AKR1C3: variants seen among roughly 807,000 people sequenced by gnomAD.
AKR1C3 encodes aldo-keto reductase family 1 member C3.
A neutral mutation model predicts 43.6 loss-of-function variants in AKR1C3; 48 were observed. The observed-to-expected ratio is 1.10, with a 90% confidence interval of 0.87 to 1.40. The LOEUF (loss-of-function observed/expected upper bound fraction) is 1.40, where lower values mean the gene tolerates loss of function less well. Ranked by LOEUF, AKR1C3 falls within the 40% of genes most tolerant of loss-of-function variation. The probability of loss-of-function intolerance (pLI) is 0.00; values close to 1 mark genes in which losing one functional copy is unlikely to be tolerated. For missense variants in AKR1C3, 482 were observed against 391.2 expected, an observed-to-expected ratio of 1.23 and a Z score of -1.96; for synonymous variants, 162 against 139.6, an observed-to-expected ratio of 1.16 and a Z score of -1.13.
At chr10:5,105,434 G>A (rs74112027) in intron 7 of AKR1C3, 161 bp from the exon 8 acceptor site, 6,366 of 520,024 alleles carry the variant, frequency 0.012, 333 homozygotes, top group African/African-American at 0.11. Context: ...CTTATTTTTC[G>A]TGAGCTATTC....
chr10:5,096,528 A>C lies in AKR1C3; in HGVS notation c.203A>C (p.Lys68Thr). ...EEQVGLAIRS[K>T]IADGSVKRED... ...CAGGTTGGACTGGCCATCCGAAGCAAGATTGCAGATGGCAGTGTGAAGAGA... is the reference window on the plus strand; with the variant it reads ...CAGGTTGGACTGGCCATCCGAAGCACGATTGCAGATGGCAGTGTGAAGAGA... Residue 68 changes from lysine (K) to threonine (T), a missense_variant, in exon 2 of 9, where the codon AAG becomes ACG. By Grantham distance (78) the Lys-to-Thr change is moderately conservative. Coordinates refer to ENST00000380554, the MANE Select transcript of AKR1C3 (RefSeq NM_003739.6). The C allele has an allele frequency of 3.1e-6, 5 of 1,613,860 alleles. No homozygotes were observed. Among genetic ancestry groups the C allele is most frequent in the Non-Finnish European group, 4.2e-6 (5 of 1,179,790 alleles).
At chr10:5,069,313 T>A (rs1838573000) in intron 1 of AKR1C3, among the ~76,000 whole-genome samples, 1 of 152,154 alleles carries the variant, frequency 6.6e-6, no homozygotes, top group African/African-American at 2.4e-5. Flanking sequence ...TTAAGAATAT[T>A]CACAAATAGT....
chr10:5,057,697 G>A (rs1838291448), intron 1 of AKR1C3, among the ~76,000 whole-genome samples: 1 of 152,178 alleles, frequency 6.6e-6, no homozygotes, highest in South Asian at 2.1e-4. Flanking sequence ...CAGTCCCCAT[G>A]ATCTGAGTCA....
intron 1 of AKR1C3, among the ~76,000 whole-genome samples, chr10:5,056,670 C>T (rs1412257835): frequency 6.6e-6 from 1 of 152,308 alleles, no homozygotes; most frequent in East Asian, 1.9e-4. Context: ...CCCTCCAATG[C>T]CCAGACTTCA....
chr10:5,102,258 ATTT>A, intron 6 of AKR1C3, 48 bp downstream of exon 6: 1 of 1,592,178 alleles, frequency 6.3e-7, no homozygotes, highest in East Asian at 2.2e-5. Context: ...TTTGCAGAAA[ATTT>A]TTTAGTCAGA....
intron 1 of AKR1C3, among the ~76,000 whole-genome samples, chr10:5,078,333 C>G (rs1554782044): frequency 6.6e-6 from 1 of 152,218 alleles, no homozygotes; most frequent in Non-Finnish European, 1.5e-5. Context: ...GTCCCCGCTA[C>G]TCGGGAGGCT....
chr10:5,055,299 G>T (rs945688812), intron 1 of AKR1C3, among the ~76,000 whole-genome samples: 1 of 152,182 alleles, frequency 6.6e-6, no homozygotes, highest in East Asian at 1.9e-4. Flanking sequence ...ACTATAATTT[G>T]TTGGCAGTCA....
intron 1 of AKR1C3, among the ~76,000 whole-genome samples, chr10:5,083,443 T>C (rs1838881766): frequency 6.6e-6 from 1 of 152,224 alleles, no homozygotes; most frequent in African/African-American, 2.4e-5. Context: ...TTCCATGGTG[T>C]ATAGGTGCCA....
At chr10:5,084,902 G>A (rs1418823613) in intron 1 of AKR1C3, among the ~76,000 whole-genome samples, 2 of 152,148 alleles carry the variant, frequency 1.3e-5, no homozygotes, top group Non-Finnish European at 2.9e-5. Context: ...GTATAAGAAT[G>A]CTTGTGATTT....
chr10:5,071,438 G>C (rs566399911), intron 1 of AKR1C3, among the ~76,000 whole-genome samples: 1 of 152,170 alleles, frequency 6.6e-6, no homozygotes, highest in African/African-American at 2.4e-5. Flanking sequence ...CCTTAGAGGC[G>C]TGTCAGTACT....
intron 1 of AKR1C3, among the ~76,000 whole-genome samples, chr10:5,089,327 C>T (rs1554783732): frequency 6.6e-6 from 1 of 151,620 alleles, no homozygotes; most frequent in Non-Finnish European, 1.5e-5. Flanking sequence ...ATTATTTCTT[C>T]TACTATGTTT....
intron 1 of AKR1C3, among the ~76,000 whole-genome samples, chr10:5,057,990 T>G (rs1181933865): frequency 6.6e-6 from 1 of 152,168 alleles, no homozygotes; most frequent in Non-Finnish European, 1.5e-5. Context: ...TTGATCTGCT[T>G]TAAATCAGAG....
At chr10:5,068,509 C>CAAA (rs74260861) in intron 1 of AKR1C3, among the ~76,000 whole-genome samples, 69 of 59,454 alleles carry the variant, frequency 1.2e-3, no homozygotes, top group East Asian at 6.0e-3. Flanking sequence ...AACCTTTTAC[C>CAAA]AAAAAAAAAA....
At chr10:5,094,734 G>A (rs1839170224) in intron 1 of AKR1C3, among the ~76,000 whole-genome samples, 1 of 152,042 alleles carries the variant, frequency 6.6e-6, no homozygotes, top group Non-Finnish European at 1.5e-5. Flanking sequence ...TTTTTCGTTT[G>A]TGCACTGTTT....
intron 1 of AKR1C3, among the ~76,000 whole-genome samples, chr10:5,054,634 C>CT (rs1838221400): frequency 6.6e-6 from 1 of 152,090 alleles, no homozygotes; most frequent in African/African-American, 2.4e-5. Flanking sequence ...TTCTCTTTGA[C>CT]TTCTTTGTCT....
intron 1 of AKR1C3, among the ~76,000 whole-genome samples, chr10:5,085,310 C>G (rs1838937516): frequency 6.6e-6 from 1 of 151,624 alleles, no homozygotes; most frequent in African/African-American, 2.4e-5. Flanking sequence ...TGTCAAAGGC[C>G]TTTTCTGCAT....
chr10:5,054,170 G>A (rs1838213520), intron 1 of AKR1C3, among the ~76,000 whole-genome samples: 1 of 152,160 alleles, frequency 6.6e-6, no homozygotes, highest in South Asian at 2.1e-4. Context: ...TCAGCAGTGA[G>A]GAGGTCTAGG....
At chr10:5,067,048 G>A (rs1035451613) in intron 1 of AKR1C3, among the ~76,000 whole-genome samples, 2 of 152,108 alleles carry the variant, frequency 1.3e-5, no homozygotes, top group Non-Finnish European at 2.9e-5. Flanking sequence ...TTGTTTGTTT[G>A]TTTGTTTGTT....
upstream of AKR1C3, chr10:5,094,314 T>A: frequency 3.0e-6 from 3 of 1,003,346 alleles, no homozygotes; most frequent in Non-Finnish European, 4.4e-6. Context: ...CCTATGTACC[T>A]CCTCCTACAT....
Sources: allele counts gnomAD v4.1 joint callset (sites outside exome capture counted in the v4.1 genomes callset), GRCh38; gene constraint gnomAD v4.1.1; transcripts MANE v1.5; gene names NCBI Gene and HGNC (gene_info 2026-07-23, HGNC 2026-07-21).